BECN1: variants seen among roughly 807,000 people sequenced by gnomAD.
The protein encoded by BECN1 is beclin-1.
In BECN1, 15 loss-of-function variants were observed where a neutral mutation model predicts 60.1. The ratio of observed to expected loss-of-function variants is 0.25; its 90% CI spans 0.17 to 0.38. The LOEUF is 0.38. Among genes scored for constraint, BECN1 ranks in the 10% least tolerant of loss-of-function variants. The probability of loss-of-function intolerance (pLI) is 1.00; values close to 1 mark genes in which losing one functional copy is unlikely to be tolerated. For synonymous variants in BECN1, 179 were observed against 201.8 expected, an observed-to-expected ratio of 0.89 and a Z score of 0.96; for missense variants, 424 against 548.2, an observed-to-expected ratio of 0.77 and a Z score of 2.26.
intron 7 of BECN1, among the ~76,000 whole-genome samples, chr17:42,816,831 G>A (rs748021939): frequency 8.5e-5 from 13 of 152,068 alleles, no homozygotes; most frequent in Middle Eastern, 3.4e-3. Context: ...TTAGCCAGGC[G>A]TGGTGGCGCA....
intron 10 of BECN1, 90 bp from the exon 11 acceptor site, chr17:42,811,887 TTCTG>T (rs2055016914): frequency 6.8e-7 from 1 of 1,477,460 alleles, no homozygotes; most frequent in South Asian, 1.3e-5. Context: ...TCAAGTCATG[TTCTG>T]TCTGTATCCC....
chr17:42,816,000 C>G lies in BECN1; in HGVS notation c.738G>C (p.Glu246Asp). The G allele has an allele frequency of 1.9e-6, 3 of 1,613,110 alleles. No individual in the cohort carries two copies. The highest frequency in any genetic ancestry group is 2.5e-6 in the Non-Finnish European group (3 of 1,179,462). ...GCATCTGGTTTTCAACACTCTTCAG[C>G]TCATCATCCAGCTCCAGCTGCTGTC... ...FKRQQLELDD[E>D]LKSVENQMRY... The change falls in exon 8 of 12, where the codon GAG becomes GAC. Residue 246 changes from glutamate to aspartate, a missense_variant. By Grantham distance (45) the Glu-to-Asp change is conservative. Coordinates refer to ENST00000590099, the MANE Select transcript of BECN1 (RefSeq NM_001313998.2).
At chr17:42,817,722 C>T (rs1436716114) in intron 7 of BECN1, among the ~76,000 whole-genome samples, 2 of 151,938 alleles carry the variant, frequency 1.3e-5, no homozygotes, top group Non-Finnish European at 2.9e-5. Context: ...TTTTAATTTT[C>T]ATTTTTGTAG....
chr17:42,811,870 C>T, intron 10 of BECN1, 73 bp from the exon 11 acceptor site: 1 of 1,539,140 alleles, frequency 6.5e-7, no homozygotes, highest in Non-Finnish European at 8.8e-7. Context: ...CCAATCCTAT[C>T]AATCTCTCAA....
chr17:42,823,283 C>G (rs2144212582), intron 2 of BECN1, among the ~76,000 whole-genome samples: 1 of 152,310 alleles, frequency 6.6e-6, no homozygotes, highest in Middle Eastern at 3.4e-3. Flanking sequence ...GAGACGGAGC[C>G]TCGCTCTGTT....
intron 9 of BECN1, 107 bp downstream of exon 9, chr17:42,814,417 A>C: frequency 6.8e-7 from 1 of 1,471,460 alleles, no homozygotes; most frequent in Non-Finnish European, 9.2e-7. Flanking sequence ...GAAAACTCCC[A>C]GTCTGTGGGC....
rs780973261 is a variant in BECN1 at position 42,823,936 on chromosome 17, C to T, written c.-2-57G>A. The T allele has an allele frequency of 1.9e-6, 3 of 1,584,762 alleles. No individual in the cohort carries two copies. In the South Asian group the frequency reaches 3.4e-5, roughly 18 times the overall value. ...AGAAGCGACGCCCTTGACCTCCGGCCCGGGGTTACCACATGCCTTGGTGAC... is the reference window on the plus strand; with the variant it reads ...AGAAGCGACGCCCTTGACCTCCGGCTCGGGGTTACCACATGCCTTGGTGAC... On this transcript the variant is annotated intron_variant, in intron 1 of 11. Transcript: ENST00000590099.
At position 42,816,042 on chromosome 17, in the gene BECN1, TTC is replaced by T; in HGVS notation, c.694_695del (p.Glu232IlefsTer3). 6.3e-7 allele frequency: 1 copy of T among 1,595,612 alleles called. No homozygotes were observed. Among genetic ancestry groups the T allele is most frequent in the Non-Finnish European group, 8.5e-7 (1 of 1,170,864 alleles). Reference protein sequence around the residue: ...LDQEEAQYQREYSEFKRQQLE... With the variant: ...LDQEEAQYQRXYSEFKRQQLE... Reference sequence around the variant, plus strand: ...GCTGCTGTCGTTTAAATTCACTGTATTCTCTCTGATACCTGTGAGCAGCCAAG... The same window carrying T: ...GCTGCTGTCGTTTAAATTCACTGTATTCTCTGATACCTGTGAGCAGCCAAG... On this transcript the variant is annotated frameshift_variant, in exon 8 of 12. Transcript: ENST00000590099. LOFTEE classifies it high-confidence loss of function.
intron 4 of BECN1, chr17:42,819,186 C>A (rs2055209784): frequency 2.1e-6 from 1 of 474,406 alleles, no homozygotes; most frequent in South Asian, 3.9e-5. Flanking sequence ...AAATATTATA[C>A]CCCTTGCCAG....
chr17:42,818,974 G>T (rs752098846), intron 4 of BECN1, 97 bp from the exon 5 acceptor site: 5 of 1,394,660 alleles, frequency 3.6e-6, no homozygotes, highest in Non-Finnish European at 5.0e-6. Context: ...AGCACCAGCT[G>T]AGGGGCCTCA....
At chr17:42,823,686 TA>T in intron 2 of BECN1, 61 bp downstream of exon 2, 1 of 1,579,280 alleles carries the variant, frequency 6.3e-7, no homozygotes, top group Non-Finnish European at 8.6e-7. Context: ...ATAAGAATTA[TA>T]TCACCAAAGC....
intron 10 of BECN1, chr17:42,812,096 A>G (rs996800112): frequency 2.4e-5 from 7 of 292,300 alleles, no homozygotes; most frequent in Non-Finnish European, 4.4e-5. Flanking sequence ...AGAAAAATAA[A>G]TAAATAGACC....
intron 2 of BECN1, among the ~76,000 whole-genome samples, chr17:42,822,551 C>T (rs1347382525): frequency 2.0e-5 from 3 of 152,000 alleles, no homozygotes; most frequent in Non-Finnish European, 4.4e-5. Flanking sequence ...TCTGACTTTG[C>T]GGGATTTTGG....
At chr17:42,819,358 G>C (rs1292841507) in intron 4 of BECN1, 190 bp downstream of exon 4, 1 of 600,748 alleles carries the variant, frequency 1.7e-6, no homozygotes, top group African/African-American at 1.9e-5. Flanking sequence ...CCCACTCTGT[G>C]AACAGCTACA....
At chr17:42,817,895 C>A (rs1193706238) in intron 7 of BECN1, among the ~76,000 whole-genome samples, 1 of 152,170 alleles carries the variant, frequency 6.6e-6, no homozygotes, top group African/African-American at 2.4e-5. Flanking sequence ...GGCTAATTAG[C>A]TCATCTTTTC....
At chr17:42,819,479 C>T (rs149453827) in intron 4 of BECN1, 69 bp downstream of exon 4, 18 of 1,546,506 alleles carry the variant, frequency 1.2e-5, no homozygotes, top group African/African-American at 8.2e-5. Flanking sequence ...CTCCAGGTCT[C>T]GATTCCTGGA....
chr17:42,811,478 G>T, intron 11 of BECN1, 177 bp downstream of exon 11: 1 of 680,284 alleles, frequency 1.5e-6, no homozygotes, highest in Admixed American at 3.5e-5. Flanking sequence ...GGACTAGGTG[G>T]TCACATTCTG....
In BECN1 at chr17:42,810,683, G is replaced by T. The variant is rs756578156; in HGVS notation, c.*77C>A. The stretch of plus-strand genomic sequence containing the variant: ...AAACATGTACTGTTTAATATTACCC[G>T]AATTTAATTTAAAACATGTTTGCAA... On this transcript the variant is annotated 3_prime_UTR_variant, in exon 12 of 12. Coordinates refer to ENST00000590099, the MANE Select transcript of BECN1 (RefSeq NM_001313998.2). 5 of 1,441,002 alleles carry T rather than the reference G, an allele frequency of 3.5e-6. No homozygotes were observed. The highest frequency in any genetic ancestry group is 2.8e-6 in the Non-Finnish European group (3 of 1,070,686). 89.3% of individuals were successfully genotyped at this position (1,441,002 alleles called of 1,614,324 possible).
chr17:42,815,317 G>C (rs530009178), intron 8 of BECN1, among the ~76,000 whole-genome samples: 1 of 151,946 alleles, frequency 6.6e-6, no homozygotes, highest in Non-Finnish European at 1.5e-5. Flanking sequence ...TGCACATAAT[G>C]TTCTCTCTGC....
Sources: gnomAD v4.1 joint callset for allele counts (sites outside exome capture counted in the v4.1 genomes callset) on GRCh38, gnomAD v4.1.1 for gene constraint, MANE v1.5 for transcripts, NCBI Gene and HGNC (gene_info 2026-07-23, HGNC 2026-07-21) for gene names.